TRPS1: variants seen among roughly 807,000 people sequenced by gnomAD.
The protein encoded by TRPS1 is zinc finger transcription factor Trps1.
In TRPS1, 6 loss-of-function variants were observed where a neutral mutation model predicts 101.2. That is an observed-to-expected ratio of 0.06 (90% CI 0.03 to 0.12). The LOEUF (loss-of-function observed/expected upper bound fraction) is 0.12, where lower values mean the gene tolerates loss of function less well. Ranked by LOEUF, TRPS1 falls within the 10% of genes least tolerant of loss-of-function variation. TRPS1 has a pLI of 1.00. For missense variants in TRPS1, 1,363 were observed against 1,567.0 expected, an observed-to-expected ratio of 0.87 and a Z score of 2.20; for synonymous variants, 578 against 589.8, an observed-to-expected ratio of 0.98 and a Z score of 0.29.
chr8:115,604,307 A>C lies in TRPS1; in HGVS notation c.1662T>G (p.Ile554Met), dbSNP rs1427362771. Residue 554 changes from isoleucine (I) to methionine (M), a missense_variant, in exon 4 of 7, where the codon ATT becomes ATG. Coordinates refer to ENST00000395715, the MANE Select transcript of TRPS1 (RefSeq NM_014112.5). This position sits in a 1 kb window ranked among gnomAD's most constrained non-coding sequence, Gnocchi z 4.1. ...RYSKSHGPDV[I>M]VVGPLLRHYQ... ...AATGACGGAGAAGTGGCCCCACTAC[A>C]ATTACATCAGGGCCATGGCTTTTGG... The C allele has an allele frequency of 3.1e-6, 5 of 1,614,082 alleles. No homozygotes were observed. Among genetic ancestry groups the C allele is most frequent in the East Asian group, 2.2e-5 (1 of 44,868 alleles).
At chr8:115,500,675 T>C (rs1392255434) in intron 5 of TRPS1, among the ~76,000 whole-genome samples, 1 of 152,140 alleles carries the variant, frequency 6.6e-6, no homozygotes, top group Non-Finnish European at 1.5e-5. Context: ...GTTCACGCCA[T>C]TCTCTTGCCT....
At chr8:115,580,594 T>C (rs1255952585) in intron 5 of TRPS1, among the ~76,000 whole-genome samples, 1 of 152,088 alleles carries the variant, frequency 6.6e-6, no homozygotes, top group African/African-American at 2.4e-5. Context: ...AAGCAAAAGA[T>C]AGTTATATAG....
At chr8:115,575,433 C>T (rs1345198714) in intron 5 of TRPS1, among the ~76,000 whole-genome samples, 1 of 152,040 alleles carries the variant, frequency 6.6e-6, no homozygotes, top group East Asian at 1.9e-4. Flanking sequence ...GTGCATGTGC[C>T]TGTGTGTCTG....
At chr8:115,572,410 A>G (rs1295607771) in intron 5 of TRPS1, among the ~76,000 whole-genome samples, 1 of 151,920 alleles carries the variant, frequency 6.6e-6, no homozygotes, top group Non-Finnish European at 1.5e-5. Flanking sequence ...TTAATTGAGA[A>G]GGGGTCATTT....
intron 2 of TRPS1, among the ~76,000 whole-genome samples, chr8:115,622,838 G>A (rs185639738): frequency 6.6e-6 from 1 of 152,240 alleles, no homozygotes; most frequent in East Asian, 1.9e-4. Context: ...AATGGTTTAT[G>A]CCCATATGTT....
chr8:115,531,165 T>C (rs1033303096), intron 5 of TRPS1, among the ~76,000 whole-genome samples: 1 of 152,186 alleles, frequency 6.6e-6, no homozygotes, highest in Admixed American at 6.5e-5. Flanking sequence ...GTTAATTTTA[T>C]GAATTAACAA....
intron 1 of TRPS1, among the ~76,000 whole-genome samples, chr8:115,656,975 T>C (rs1286272619): frequency 2.6e-5 from 4 of 152,132 alleles, no homozygotes; most frequent in Non-Finnish European, 1.5e-5. Flanking sequence ...TCCAAGAGAA[T>C]TTGGAAAACA....
intron 1 of TRPS1, among the ~76,000 whole-genome samples, chr8:115,639,810 C>CA (rs1818854519): frequency 6.6e-6 from 1 of 152,162 alleles, no homozygotes; most frequent in Non-Finnish European, 1.5e-5. Flanking sequence ...GCTTGGGGAA[C>CA]AGAGTGAGAC....
chr8:115,572,638 A>T (rs1482539373), intron 5 of TRPS1, among the ~76,000 whole-genome samples: 1 of 152,190 alleles, frequency 6.6e-6, no homozygotes, highest in Non-Finnish European at 1.5e-5. Flanking sequence ...CTAGGCTTTC[A>T]GTTTATATTC....
At chr8:115,511,803 A>T (rs531714054) in intron 5 of TRPS1, among the ~76,000 whole-genome samples, 1 of 152,052 alleles carries the variant, frequency 6.6e-6, no homozygotes, top group East Asian at 1.9e-4. Flanking sequence ...ACATATCAAA[A>T]AGATGGATAA....
intron 2 of TRPS1, among the ~76,000 whole-genome samples, chr8:115,621,318 CTTT>C (rs1433160766): frequency 6.6e-6 from 1 of 152,152 alleles, no homozygotes; most frequent in African/African-American, 2.4e-5. Context: ...AACAAGACTT[CTTT>C]GTTAGTTGAC....
intron 1 of TRPS1, among the ~76,000 whole-genome samples, chr8:115,628,238 CA>C (rs1315228668): frequency 6.6e-6 from 1 of 151,780 alleles, no homozygotes; most frequent in Non-Finnish European, 1.5e-5. Flanking sequence ...ATCTGAGAAC[CA>C]ATGGACTAAG....
chr8:115,504,422 T>C (rs1178689545), intron 5 of TRPS1, among the ~76,000 whole-genome samples: 1 of 152,192 alleles, frequency 6.6e-6, no homozygotes, highest in Non-Finnish European at 1.5e-5. Flanking sequence ...CCCTACAAAA[T>C]AAAGTTCAGA....
chr8:115,423,063 ACTT>A (rs1399933501), intron 5 of TRPS1, among the ~76,000 whole-genome samples: 1 of 152,198 alleles, frequency 6.6e-6, no homozygotes, highest in Non-Finnish European at 1.5e-5. Flanking sequence ...CTGCCCCTGA[ACTT>A]CTCTAAGTTC....
At chr8:115,618,788 A>G (rs921081520) in intron 3 of TRPS1, among the ~76,000 whole-genome samples, 2 of 152,244 alleles carry the variant, frequency 1.3e-5, no homozygotes, top group African/African-American at 4.8e-5. Context: ...ATGAATTATT[A>G]TCATGTGCAA....
intron 3 of TRPS1, among the ~76,000 whole-genome samples, chr8:115,618,089 T>A (rs998352949): frequency 6.6e-6 from 1 of 152,180 alleles, no homozygotes; most frequent in Non-Finnish European, 1.5e-5. Flanking sequence ...CTGAGACAAA[T>A]GAGCTGTAGC....
rs1459960521 is a variant in TRPS1, at chr8:115,413,064, C to G, written c.*959G>C. The stretch of plus-strand genomic sequence containing the variant: ...ACCTTGTGAAGAAATGCCATGTGTT[C>G]TAAACAAATTAAACCCACGGTCTGA... On this transcript the variant is annotated 3_prime_UTR_variant, in exon 7 of 7. Coordinates refer to ENST00000395715, the MANE Select transcript of TRPS1 (RefSeq NM_014112.5). 1 of 152,360 alleles carries G rather than the reference C, an allele frequency of 6.6e-6. No homozygotes were observed. The highest frequency in any genetic ancestry group is 1.5e-5 in the Non-Finnish European group (1 of 67,988). The allele number at this position is 152,360 out of a possible 1,614,324, so 9.4% of individuals were successfully genotyped here.
At chr8:115,627,889 C>T (rs938157494) in intron 1 of TRPS1, among the ~76,000 whole-genome samples, 3 of 151,704 alleles carry the variant, frequency 2.0e-5, no homozygotes, top group Non-Finnish European at 3.0e-5. Flanking sequence ...CTAATAGATG[C>T]TTACCATAAA....
At position 115,451,413 on chromosome 8, in the gene TRPS1, G is replaced by A. The variant is rs997801803; in HGVS notation, c.2701-32961C>T. On this transcript the variant is annotated intron_variant, in intron 5 of 6. Transcript: ENST00000395715. ...TAAATGACAGAAGGGGATATAAAAG[G>A]AAGAAAAGTGACTTATCTCATGCAC... 8.6e-5 allele frequency among the ~76,000 whole-genome samples: 13 copies of A among 152,040 alleles called. 2 individuals are homozygous for A. The East Asian group carries it at 2.3e-3, about 27-fold the overall frequency.
Sources: allele counts gnomAD v4.1 joint callset (sites outside exome capture counted in the v4.1 genomes callset), GRCh38; gene constraint gnomAD v4.1.1; non-coding constraint Gnocchi (gnomAD v3.1); transcripts MANE v1.5; gene names NCBI Gene and HGNC (gene_info 2026-07-23, HGNC 2026-07-21).